GSR: variants seen among roughly 807,000 people sequenced by gnomAD.
GSR encodes glutathione reductase, mitochondrial.
A neutral mutation model predicts 56.5 loss-of-function variants in GSR; 48 were observed. The ratio of observed to expected loss-of-function variants is 0.85; its 90% CI spans 0.67 to 1.08. The LOEUF (loss-of-function observed/expected upper bound fraction) is 1.08. Among genes scored for constraint, GSR ranks in the 50% least tolerant of loss-of-function variants. The pLI is 0.00. For missense variants in GSR, 694 were observed against 703.3 expected, an observed-to-expected ratio of 0.99 and a Z score of 0.15; for synonymous variants, 264 against 270.8, an observed-to-expected ratio of 0.97 and a Z score of 0.25.
chr8:30,719,307 G>A (rs1235747292), intron 1 of GSR, among the ~76,000 whole-genome samples: 5 of 151,160 alleles, frequency 3.3e-5, no homozygotes, highest in African/African-American at 4.9e-5. Context: ...TAGTAGAGAC[G>A]GAGTTTCACC....
At chr8:30,705,138 A>G (rs1803879500) in intron 4 of GSR, among the ~76,000 whole-genome samples, 1 of 152,138 alleles carries the variant, frequency 6.6e-6, no homozygotes, top group Admixed American at 6.6e-5. Flanking sequence ...CATTAAAAAA[A>G]AAAAAGGCCA....
chr8:30,701,773 G>GACAA (rs1354407756), intron 5 of GSR, among the ~76,000 whole-genome samples: 25 of 120,776 alleles, frequency 2.1e-4, no homozygotes, highest in East Asian at 4.9e-4. Context: ...AGCCTGGGTG[G>GACAA]CAGAGCAAGA....
In GSR at chr8:30,726,186, C is replaced by A. The variant is rs8190897; in HGVS notation, c.306+1344G>T. Among the ~76,000 whole-genome samples, 551 of 152,300 alleles carry A rather than the reference C, an allele frequency of 3.6e-3. 3 individuals carry two copies. Among genetic ancestry groups the A allele is most frequent in the African/African-American group, 0.012 (498 of 41,562 alleles). On this transcript the variant is annotated intron_variant, in intron 1 of 12. Transcript: ENST00000221130. ...CCATGTTCATCTCCAAGGCACTGAA[C>A]AATGAAGTCAACCTTTTCATAACTG...
chr8:30,681,541 A>G lies in GSR; in HGVS notation c.1285+389T>C, dbSNP rs116225398. On this transcript the variant is annotated intron_variant, in intron 11 of 12. Coordinates refer to ENST00000221130, the MANE Select transcript of GSR (RefSeq NM_000637.5). Reference sequence around the variant, plus strand: ...GCTTGTCTCAAAAAGAAAAAAAAAAAGAAAATGATACTCGGTTTATGTAAG... The same window carrying G: ...GCTTGTCTCAAAAAGAAAAAAAAAAGGAAAATGATACTCGGTTTATGTAAG... 1.8e-3 allele frequency among the ~76,000 whole-genome samples: 273 copies of G among 152,202 alleles called. 3 individuals carry two copies. The highest frequency in any genetic ancestry group is 5.9e-3 in the African/African-American group (246 of 41,540).
At chr8:30,696,693 G>A (rs895608368) in intron 6 of GSR, among the ~76,000 whole-genome samples, 1 of 152,084 alleles carries the variant, frequency 6.6e-6, no homozygotes. Context: ...CTAGACTGCA[G>A]ATTTTCACTT....
At chr8:30,717,513 C>T (rs1239140219) in intron 1 of GSR, among the ~76,000 whole-genome samples, 1 of 152,124 alleles carries the variant, frequency 6.6e-6, no homozygotes. Context: ...TGCTCCCCGT[C>T]GCTAGCATTA....
intron 11 of GSR, 120 bp from the exon 12 acceptor site, chr8:30,681,157 C>T (rs568389970): frequency 8.5e-6 from 7 of 820,590 alleles, no homozygotes; most frequent in South Asian, 5.5e-5. Flanking sequence ...TATCAAACCA[C>T]GCCAAAATGA....
At chr8:30,689,446 A>G (rs954283651) in intron 8 of GSR, 127 bp from the exon 9 acceptor site, 2 of 813,524 alleles carry the variant, frequency 2.5e-6, no homozygotes, top group Non-Finnish European at 4.2e-6. Flanking sequence ...TCCCACATAC[A>G]AAGATAGACA....
Position 30,704,895 on chromosome 8 carries a change from G to T in GSR, c.493-1655C>A, listed in dbSNP as rs578232322. 5.3e-5 allele frequency: 8 copies of T among 152,226 alleles called. No individual in the cohort carries two copies. In the East Asian group the frequency reaches 1.5e-3, roughly 29 times the overall value. The allele number at this position is 152,226 out of a possible 1,614,324, so 9.4% of individuals were successfully genotyped here. A position where few individuals can be genotyped will look rare whatever the true frequency, so the allele number is the denominator to read the frequency against. ...CAAAAAGGAGTATGGCTCGCGTGGCGATAGGACAGACACTAGTTCAGAGGA... is the reference window on the plus strand; with the variant it reads ...CAAAAAGGAGTATGGCTCGCGTGGCTATAGGACAGACACTAGTTCAGAGGA... On this transcript the variant is annotated intron_variant, in intron 4 of 12. Coordinates refer to ENST00000221130, the MANE Select transcript of GSR (RefSeq NM_000637.5).
intron 5 of GSR, among the ~76,000 whole-genome samples, chr8:30,701,926 G>A (rs2955991): frequency 6.6e-6 from 1 of 150,994 alleles, no homozygotes; most frequent in Non-Finnish European, 1.5e-5. Flanking sequence ...TGGGAAAAAA[G>A]AAAGATATCG....
chr8:30,708,205 C>T, intron 3 of GSR, 64 bp from the exon 4 acceptor site: 2 of 1,167,088 alleles, frequency 1.7e-6, no homozygotes, highest in Non-Finnish European at 2.6e-6. Context: ...GTAACTAAGG[C>T]ATCTGTCCCT....
intron 6 of GSR, among the ~76,000 whole-genome samples, chr8:30,699,664 G>A (rs1159298928): frequency 6.6e-6 from 1 of 151,196 alleles, no homozygotes; most frequent in Admixed American, 6.6e-5. Context: ...GGCTGGTCTC[G>A]AGCTCCTGAC....
chr8:30,707,966 A>T (rs1473004953), intron 4 of GSR, 106 bp downstream of exon 4: 1 of 683,600 alleles, frequency 1.5e-6, no homozygotes, highest in East Asian at 3.0e-5. Flanking sequence ...CCAAAAAAAT[A>T]ATAATAAAAA....
chr8:30,682,851 A>G (rs1803005290), intron 10 of GSR, among the ~76,000 whole-genome samples: 1 of 150,642 alleles, frequency 6.6e-6, no homozygotes, highest in Admixed American at 6.7e-5. Flanking sequence ...TTTTTTAGAC[A>G]GAGTCTCGCT....
At chr8:30,717,855 C>A (rs999986666) in intron 1 of GSR, among the ~76,000 whole-genome samples, 1 of 152,030 alleles carries the variant, frequency 6.6e-6, no homozygotes, top group African/African-American at 2.4e-5. Flanking sequence ...AATTGCAGCA[C>A]TTTGGGAGGC....
At chr8:30,709,933 A>C in intron 2 of GSR, 31 bp from the exon 3 acceptor site, 14 of 1,181,010 alleles carry the variant, frequency 1.2e-5, no homozygotes, top group Non-Finnish European at 1.6e-5. Context: ...AAGGATCCAA[A>C]ACAGCAGTAA....
chr8:30,695,044 CAT>C (rs1336704520), intron 7 of GSR, among the ~76,000 whole-genome samples: 6 of 151,232 alleles, frequency 4.0e-5, no homozygotes, highest in Non-Finnish European at 8.8e-5. Context: ...GACTGGGTAA[CAT>C]AGCAAGACTC....
intron 1 of GSR, among the ~76,000 whole-genome samples, chr8:30,721,243 C>T (rs1461108124): frequency 1.3e-5 from 2 of 152,184 alleles, no homozygotes; most frequent in Non-Finnish European, 2.9e-5. Flanking sequence ...AGAAAAGGAC[C>T]TAGGACCTCC....
intron 4 of GSR, among the ~76,000 whole-genome samples, chr8:30,705,715 G>A (rs1204894490): frequency 3.3e-5 from 5 of 152,052 alleles, no homozygotes; most frequent in Admixed American, 3.3e-4. Flanking sequence ...CTGCTCAAGA[G>A]AGTGAGATCC....
Sources: allele counts gnomAD v4.1 joint callset (sites outside exome capture counted in the v4.1 genomes callset), GRCh38; gene constraint gnomAD v4.1.1; transcripts MANE v1.5; gene names NCBI Gene and HGNC (gene_info 2026-07-23, HGNC 2026-07-21).